The following MAGI2 variants were observed in gnomAD, a reference collection of about 807,000 sequenced individuals.
The protein encoded by MAGI2 is membrane-associated guanylate kinase, WW and PDZ domain-containing protein 2.
In MAGI2, 35 loss-of-function variants were observed where a neutral mutation model predicts 133.3. The ratio of observed to expected loss-of-function variants is 0.26; its 90% CI spans 0.20 to 0.35. The LOEUF is 0.35. Among genes scored for constraint, MAGI2 ranks in the 10% least tolerant of loss-of-function variants. The pLI, the probability that MAGI2 is intolerant of heterozygous loss-of-function variation, is 1.00. For synonymous variants in MAGI2, 729 were observed against 710.6 expected (o/e 1.03, Z -0.41); for missense variants, 1,636 against 1,863.4 (o/e 0.88, Z 2.25).
intron 1 of MAGI2, among the ~76,000 whole-genome samples, chr7:79,135,598 A>G (rs917396478): frequency 3.9e-5 from 6 of 152,072 alleles, no homozygotes; most frequent in African/African-American, 2.4e-5. Flanking sequence ...GCCCCTTGAC[A>G]TCTTCCTTTT....
intron 16 of MAGI2, among the ~76,000 whole-genome samples, chr7:78,136,535 A>G (rs1822159180): frequency 6.6e-6 from 1 of 152,194 alleles, no homozygotes; most frequent in African/African-American, 2.4e-5. Context: ...CAAGATAACT[A>G]TTTATGGGGT....
At position 79,247,645 on chromosome 7, in the gene MAGI2, A is replaced by G. The variant is rs532784305; in HGVS notation, c.301+205375T>C. Among the ~76,000 whole-genome samples, 56 of 152,244 alleles carry G rather than the reference A, an allele frequency of 3.7e-4. No homozygotes were observed. In the South Asian group the frequency reaches 0.011, roughly 29 times the overall value. On this transcript the variant is annotated intron_variant, in intron 1 of 21. Coordinates refer to ENST00000354212, the MANE Select transcript of MAGI2 (RefSeq NM_012301.4). The stretch of plus-strand genomic sequence containing the variant: ...ACTACTACTACTACTACTAATAACT[A>G]TAACAACTTTTAAAGACACAGTACA...
chr7:78,735,886 C>T (rs900499642), intron 2 of MAGI2, among the ~76,000 whole-genome samples: 3 of 152,078 alleles, frequency 2.0e-5, no homozygotes, highest in African/African-American at 7.2e-5. Flanking sequence ...GTGTATACAA[C>T]CAACAATTTG....
At chr7:78,363,180 T>C (rs1793006617) in intron 7 of MAGI2, among the ~76,000 whole-genome samples, 1 of 152,216 alleles carries the variant, frequency 6.6e-6, no homozygotes, top group Non-Finnish European at 1.5e-5. Flanking sequence ...AGCCATTTTC[T>C]GCAGCTACGG....
intron 9 of MAGI2, among the ~76,000 whole-genome samples, chr7:78,322,525 C>A (rs951962297): frequency 6.6e-6 from 1 of 152,140 alleles, no homozygotes; most frequent in Non-Finnish European, 1.5e-5. Context: ...AAACCAAACA[C>A]CATGTGTTCT....
intron 5 of MAGI2, among the ~76,000 whole-genome samples, chr7:78,497,722 T>A (rs993995837): frequency 3.1e-5 from 3 of 97,202 alleles, no homozygotes; most frequent in Non-Finnish European, 5.8e-5. Context: ...GAAATAACTA[T>A]TCTATCTATC....
intron 15 of MAGI2, 115 bp downstream of exon 15, chr7:78,167,801 T>C: frequency 2.1e-6 from 2 of 942,630 alleles, no homozygotes; most frequent in Non-Finnish European, 3.2e-6. Context: ...GTTGTTTCCT[T>C]CCTCATATAA....
intron 1 of MAGI2, among the ~76,000 whole-genome samples, chr7:79,251,657 A>C (rs1833281611): frequency 6.6e-6 from 1 of 152,204 alleles, no homozygotes; most frequent in South Asian, 2.1e-4. Context: ...TAATACAATC[A>C]CTATAGAGAA....
At chr7:78,947,208 C>A (rs1801491265) in intron 2 of MAGI2, among the ~76,000 whole-genome samples, 1 of 152,028 alleles carries the variant, frequency 6.6e-6, no homozygotes, top group Non-Finnish European at 1.5e-5. Flanking sequence ...ATGGAGCGTT[C>A]ACTCTAAGAA....
intron 2 of MAGI2, among the ~76,000 whole-genome samples, chr7:78,669,086 C>A (rs1032853921): frequency 2.0e-5 from 3 of 151,762 alleles, no homozygotes; most frequent in Non-Finnish European, 2.9e-5. Context: ...AGAACTGAAG[C>A]AAATAGAGAC....
At chr7:79,405,087 A>G (rs544807133) in intron 1 of MAGI2, among the ~76,000 whole-genome samples, 1 of 152,278 alleles carries the variant, frequency 6.6e-6, no homozygotes, top group African/African-American at 2.4e-5. Flanking sequence ...GAATCTAACT[A>G]CAAGGTGTCA....
chr7:79,134,377 G>GT, intron 1 of MAGI2, among the ~76,000 whole-genome samples: 1 of 152,134 alleles, frequency 6.6e-6, no homozygotes, highest in Non-Finnish European at 1.5e-5. Context: ...TTCAGTAGAA[G>GT]TTTTTTACTC....
intron 1 of MAGI2, among the ~76,000 whole-genome samples, chr7:79,404,723 C>T (rs1845690250): frequency 6.6e-6 from 1 of 152,104 alleles, no homozygotes; most frequent in Admixed American, 6.6e-5. Context: ...GTTAAGAATC[C>T]ATGGGGCCCA....
At chr7:78,744,822 T>C (rs1364531898) in intron 2 of MAGI2, among the ~76,000 whole-genome samples, 1 of 152,114 alleles carries the variant, frequency 6.6e-6, no homozygotes, top group Non-Finnish European at 1.5e-5. Flanking sequence ...AAAATAGACA[T>C]GCAAAAATCA....
intron 20 of MAGI2, among the ~76,000 whole-genome samples, chr7:78,087,316 G>C (rs922430641): frequency 1.3e-5 from 2 of 152,140 alleles, no homozygotes; most frequent in Non-Finnish European, 2.9e-5. Flanking sequence ...TAAACCAAAT[G>C]TAAACAAGGT....
intron 1 of MAGI2, among the ~76,000 whole-genome samples, chr7:79,272,010 A>G (rs1359031653): frequency 6.6e-6 from 1 of 152,164 alleles, no homozygotes; most frequent in Non-Finnish European, 1.5e-5. Flanking sequence ...AGTAATTTAA[A>G]CAAAAACACT....
intron 2 of MAGI2, among the ~76,000 whole-genome samples, chr7:78,849,757 ATACT>A: frequency 6.6e-6 from 1 of 152,060 alleles, no homozygotes; most frequent in Non-Finnish European, 1.5e-5. Context: ...GATTGATATA[ATACT>A]TAATAATGTC....
intron 1 of MAGI2, among the ~76,000 whole-genome samples, chr7:79,377,111 G>A (rs848925): frequency 0.5 from 76,191 of 151,476 alleles, 20,664 homozygotes; most frequent in African/African-American, 0.71. Context: ...ACTCATAAAA[G>A]TACACTTCTT....
At chr7:78,230,891 C>T (rs1464860753) in intron 10 of MAGI2, among the ~76,000 whole-genome samples, 1 of 152,176 alleles carries the variant, frequency 6.6e-6, no homozygotes, top group Non-Finnish European at 1.5e-5. Context: ...CACTGACTGA[C>T]TTTCACAAAC....
Sources: allele counts gnomAD v4.1 joint callset (sites outside exome capture counted in the v4.1 genomes callset), GRCh38; gene constraint gnomAD v4.1.1; transcripts MANE v1.5; gene names NCBI Gene and HGNC (gene_info 2026-07-23, HGNC 2026-07-21).